SAP130: variants seen among roughly 807,000 people sequenced by gnomAD.
The protein encoded by SAP130 is Sin3A associated protein 130, also known as histone deacetylase complex subunit SAP130.
SAP130 carries 16 observed loss-of-function variants against 103.2 expected under a neutral mutation model. The ratio of observed to expected loss-of-function variants is 0.16; its 90% CI spans 0.10 to 0.24. The LOEUF (loss-of-function observed/expected upper bound fraction) is 0.24. Ranked by LOEUF, SAP130 falls within the 10% of genes least tolerant of loss-of-function variation. The probability of loss-of-function intolerance (pLI) is 1.00; values close to 1 mark genes in which losing one functional copy is unlikely to be tolerated. For synonymous variants in SAP130, 477 were observed against 497.0 expected (o/e 0.96, Z 0.53); for missense variants, 990 against 1,359.7 (o/e 0.73, Z 4.28).
At chr2:127,963,811 T>C (rs1467307688) in intron 15 of SAP130, among the ~76,000 whole-genome samples, 1 of 152,228 alleles carries the variant, frequency 6.6e-6, no homozygotes, top group African/African-American at 2.4e-5. Flanking sequence ...CCACGTAAGA[T>C]GTGACTTGCT....
chr2:127,976,977 T>C (rs572610599), intron 15 of SAP130, among the ~76,000 whole-genome samples: 2 of 152,158 alleles, frequency 1.3e-5, no homozygotes, highest in East Asian at 1.9e-4. Context: ...AAGATACTTA[T>C]CAGAACTATT....
At chr2:127,976,123 G>A (rs987475452) in intron 15 of SAP130, among the ~76,000 whole-genome samples, 2 of 152,196 alleles carry the variant, frequency 1.3e-5, no homozygotes, top group South Asian at 4.1e-4. Context: ...TGGGATTACA[G>A]GTGTGAGCCA....
chr2:127,948,501 G>A (rs908545653), intron 18 of SAP130, among the ~76,000 whole-genome samples: 2 of 151,420 alleles, frequency 1.3e-5, no homozygotes, highest in African/African-American at 4.9e-5. Flanking sequence ...CATCATGCCT[G>A]GCTAATTTTT....
At chr2:127,966,289 G>A (rs1159439669) in intron 15 of SAP130, among the ~76,000 whole-genome samples, 1 of 152,110 alleles carries the variant, frequency 6.6e-6, no homozygotes, top group Non-Finnish European at 1.5e-5. Flanking sequence ...AGGTTGCAGT[G>A]AGCCGAGATC....
chr2:127,969,410 T>C (rs1307593971), intron 15 of SAP130, among the ~76,000 whole-genome samples: 1 of 152,252 alleles, frequency 6.6e-6, no homozygotes, highest in Non-Finnish European at 1.5e-5. Flanking sequence ...TACTTAATGT[T>C]TCATTCTGAC....
chr2:127,995,335 A>G (rs1445960859), intron 11 of SAP130, among the ~76,000 whole-genome samples: 1 of 152,162 alleles, frequency 6.6e-6, no homozygotes, highest in Admixed American at 6.6e-5. Context: ...ATTGGAAAAT[A>G]AGGAAAGGCT....
chr2:127,986,730 A>G lies in SAP130; in HGVS notation c.1958+55T>C, dbSNP rs1573746993. ...CATTAGATAAGAGTGCCTATTATGT[A>G]TACCAGTTATATCCAGAACCAGAGG... On this transcript the variant is annotated intron_variant, in intron 14 of 20. Coordinates refer to ENST00000643581, the MANE Select transcript of SAP130 (RefSeq NM_001330301.2). This position sits in a 1 kb window ranked among gnomAD's most constrained non-coding sequence, Gnocchi z 4.7. The G allele has an allele frequency of 1.9e-6, 3 of 1,546,176 alleles. No homozygotes were observed. In the East Asian group the frequency reaches 6.8e-5, roughly 35 times the overall value.
At position 128,013,111 on chromosome 2, in the gene SAP130, T is replaced by C. The variant is rs959985240; in HGVS notation, c.663A>G (p.Thr221=). 6 of 1,613,122 alleles carry C rather than the reference T, an allele frequency of 3.7e-6. No homozygotes were observed. Among genetic ancestry groups the C allele is most frequent in the Non-Finnish European group, 5.1e-6 (6 of 1,179,728 alleles). Residue 221 remains threonine (T), a synonymous_variant, in exon 6 of 21, where the codon ACA becomes ACG. Coordinates refer to ENST00000643581, the MANE Select transcript of SAP130 (RefSeq NM_001330301.2). ...GCAGCTGTGAGGTCGGCCTCAGGAC[T>C]GTGGTTACTTTAGAACTGGACATCA... ...AAVMSSSKVT[T]VLRPTSQLPN...
intron 6 of SAP130, among the ~76,000 whole-genome samples, chr2:128,012,287 G>A (rs898738713): frequency 1.3e-5 from 2 of 152,080 alleles, no homozygotes; most frequent in African/African-American, 4.8e-5. Flanking sequence ...CTGGCCAACA[G>A]GGTGAAATCC....
In SAP130 at chr2:127,989,239, C is replaced by T. The variant is rs946559101; in HGVS notation, c.1780+325G>A. On this transcript the variant is annotated intron_variant, in intron 13 of 20. Coordinates refer to ENST00000643581, the MANE Select transcript of SAP130 (RefSeq NM_001330301.2). This position sits in a 1 kb window ranked among gnomAD's most constrained non-coding sequence, Gnocchi z 4.6. The stretch of plus-strand genomic sequence containing the variant: ...TCAGCCTCCCGAGTAGCTAGGACTA[C>T]AGGCCCCCGCCACCACGCCTGGCTA... Among the ~76,000 whole-genome samples, 1 of 151,964 alleles carries T rather than the reference C, an allele frequency of 6.6e-6. No homozygotes were observed. Among genetic ancestry groups the T allele is most frequent in the Admixed American group, 6.6e-5 (1 of 15,262 alleles).
chr2:128,016,482 A>G lies in SAP130; in HGVS notation c.414T>C (p.Leu138=), dbSNP rs1684787927. 5.0e-6 allele frequency: 8 copies of G among 1,613,700 alleles called. No homozygotes were observed. In the African/African-American group the frequency reaches 1.1e-4, roughly 22 times the overall value. The change falls in exon 4 of 21, where the codon CTT becomes CTC. Residue 138 remains leucine, a synonymous_variant. Transcript: ENST00000643581. ...TAACCTGCCCTGGAACCTTGGGGGG[A>G]AGTGACAGGGTAGAAGGTGGAGCAG... ...IAPAPPSTLS[L]PPKVPGQVTV... is the part of the protein sequence containing the mutation.
chr2:128,000,900 C>T (rs1022270945), intron 7 of SAP130, among the ~76,000 whole-genome samples: 1 of 151,928 alleles, frequency 6.6e-6, no homozygotes, highest in Admixed American at 6.6e-5. Context: ...ACCTTGTCTA[C>T]ATAAAAAATA....
chr2:127,948,907 A>T (rs950672210), intron 18 of SAP130, among the ~76,000 whole-genome samples: 16 of 152,164 alleles, frequency 1.1e-4, no homozygotes, highest in Admixed American at 2.6e-4. Flanking sequence ...AAATTCCTAA[A>T]TATTTTTTCT....
intron 2 of SAP130, among the ~76,000 whole-genome samples, chr2:128,024,074 G>A (rs932361507): frequency 1.3e-5 from 2 of 152,076 alleles, no homozygotes; most frequent in African/African-American, 4.8e-5. Context: ...CGTGAAATTG[G>A]GAATTTTTTA....
At chr2:127,980,326 C>T (rs1408178345) in intron 14 of SAP130, among the ~76,000 whole-genome samples, 1 of 152,184 alleles carries the variant, frequency 6.6e-6, no homozygotes, top group Admixed American at 6.5e-5. Context: ...AAAAAAGAAC[C>T]TAATGCGAAA....
chr2:128,014,727 T>C (rs1684653463), intron 5 of SAP130, 76 bp downstream of exon 5: 2 of 1,011,918 alleles, frequency 2.0e-6, no homozygotes, highest in South Asian at 2.6e-5. Flanking sequence ...CTAGATACAT[T>C]CTGTGTTACG....
intron 11 of SAP130, among the ~76,000 whole-genome samples, chr2:127,995,365 G>A (rs60713445): frequency 0.018 from 2,788 of 152,194 alleles, 103 homozygotes; most frequent in African/African-American, 0.062. Context: ...GGGATGGGGC[G>A]AAATCCACAG....
At chr2:127,988,482 G>GT (rs1177730064) in intron 13 of SAP130, among the ~76,000 whole-genome samples, 4 of 145,726 alleles carry the variant, frequency 2.7e-5, no homozygotes, top group African/African-American at 1.0e-4. Context: ...CAGCCATTTT[G>GT]TTTTTTTAAA....
chr2:127,958,601 A>G (rs959610084), intron 15 of SAP130, among the ~76,000 whole-genome samples: 20 of 151,162 alleles, frequency 1.3e-4, no homozygotes, highest in Admixed American at 7.9e-4. Flanking sequence ...TATGCCACAC[A>G]CTCTCTCTCT....
Sources: gnomAD v4.1 joint callset for allele counts (sites outside exome capture counted in the v4.1 genomes callset) on GRCh38, gnomAD v4.1.1 for gene constraint, Gnocchi (gnomAD v3.1) non-coding constraint, MANE v1.5 for transcripts, NCBI Gene and HGNC (gene_info 2026-07-23, HGNC 2026-07-21) for gene names.